Variants in APBB1IP observed in about 807,000 individuals in gnomAD.
The protein encoded by APBB1IP is amyloid beta precursor protein binding family B member 1 interacting protein, also known as amyloid beta A4 precursor protein-binding family B member 1-interacting protein.
A neutral mutation model predicts 64.9 loss-of-function variants in APBB1IP; 27 were observed. The observed-to-expected ratio is 0.42, with a 90% CI of 0.31 to 0.57. The LOEUF (loss-of-function observed/expected upper bound fraction) is 0.57. Among genes scored for constraint, APBB1IP ranks in the 20% least tolerant of loss-of-function variants. APBB1IP has a pLI of 0.20. For synonymous variants in APBB1IP, 392 were observed against 331.0 expected (o/e 1.18, Z -2.00); for missense variants, 812 against 845.5 (o/e 0.96, Z 0.49).
At position 26,501,122 on chromosome 10, in the gene APBB1IP, G is replaced by T; in HGVS notation, c.453+11G>T. On this transcript the variant is annotated intron_variant, in intron 5 of 14. Transcript: ENST00000376236. ...GAACCTCTCTCTCAGGTAAGTATGT[G>T]GGACCAGAGATGGCAGGACCATCAA... 1 of 1,614,102 alleles carries T rather than the reference G, an allele frequency of 6.2e-7. No homozygotes were observed. The highest frequency in any genetic ancestry group is 1.6e-4 in the Middle Eastern group (1 of 6,062).
intron 1 of APBB1IP, 29 bp downstream of exon 1, chr10:26,438,484 T>TTAAAATAAAATAAAATAAAATAAAA (rs145194192): frequency 6.8e-6 from 1 of 148,092 alleles, no homozygotes; most frequent in African/African-American, 2.5e-5. Flanking sequence ...TTTCCCAGAA[T>TTAAAATAAAATAAAATAAAATAAAA]TAAAATAAAA....
intron 2 of APBB1IP, among the ~76,000 whole-genome samples, chr10:26,456,924 G>C (rs966039703): frequency 6.6e-6 from 1 of 152,106 alleles, no homozygotes; most frequent in Non-Finnish European, 1.5e-5. Context: ...ACAAGTTCAA[G>C]GGCATTAGAA....
At chr10:26,440,548 A>G (rs1835328467) in intron 2 of APBB1IP, among the ~76,000 whole-genome samples, 1 of 152,242 alleles carries the variant, frequency 6.6e-6, no homozygotes, top group African/African-American at 2.4e-5. Context: ...AAACTGAGAT[A>G]AGAAACAGCC....
intron 2 of APBB1IP, among the ~76,000 whole-genome samples, chr10:26,491,591 C>A (rs1835955561): frequency 6.6e-6 from 1 of 152,160 alleles, no homozygotes; most frequent in Admixed American, 6.6e-5. Context: ...AAAAAGTTTT[C>A]TTTCTATCTC....
intron 11 of APBB1IP, among the ~76,000 whole-genome samples, chr10:26,553,734 C>T (rs2132478693): frequency 1.3e-5 from 2 of 152,320 alleles, no homozygotes; most frequent in South Asian, 4.1e-4. Context: ...ACAAAGGCCT[C>T]TGGCTTTGTG....
At chr10:26,514,833 T>C (rs1034789447) in intron 8 of APBB1IP, among the ~76,000 whole-genome samples, 4 of 152,076 alleles carry the variant, frequency 2.6e-5, no homozygotes, top group African/African-American at 9.7e-5. Context: ...ACAAAGTTTT[T>C]CGCCCCTAAC....
intron 2 of APBB1IP, among the ~76,000 whole-genome samples, chr10:26,459,504 A>T (rs1835565965): frequency 6.6e-6 from 1 of 152,176 alleles, no homozygotes. Context: ...ATCCCTGAGG[A>T]ATCACCACAC....
At chr10:26,516,136 T>G (rs1441345434) in intron 8 of APBB1IP, among the ~76,000 whole-genome samples, 1 of 152,064 alleles carries the variant, frequency 6.6e-6, no homozygotes, top group African/African-American at 2.4e-5. Flanking sequence ...CTCAATCAGC[T>G]TAGAAGTTTC....
intron 2 of APBB1IP, among the ~76,000 whole-genome samples, chr10:26,482,491 C>T (rs1432299903): frequency 6.6e-6 from 1 of 152,198 alleles, no homozygotes; most frequent in Non-Finnish European, 1.5e-5. Context: ...TTCAATCACA[C>T]TGTACACAGG....
chr10:26,459,480 A>T (rs1030763217), intron 2 of APBB1IP, among the ~76,000 whole-genome samples: 1 of 152,150 alleles, frequency 6.6e-6, no homozygotes, highest in Admixed American at 6.5e-5. Flanking sequence ...GTCAAATGGT[A>T]TTTCTAGTTC....
intron 11 of APBB1IP, among the ~76,000 whole-genome samples, chr10:26,544,380 G>A (rs1458391806): frequency 1.3e-5 from 2 of 152,214 alleles, no homozygotes; most frequent in Non-Finnish European, 2.9e-5. Flanking sequence ...CAGGTTCCCA[G>A]GCCCTAGGCC....
intron 8 of APBB1IP, among the ~76,000 whole-genome samples, chr10:26,530,390 G>T (rs1836535547): frequency 6.6e-6 from 1 of 151,828 alleles, no homozygotes; most frequent in Non-Finnish European, 1.5e-5. Context: ...TTAATGCTGA[G>T]AAAAATTATT....
chr10:26,521,853 C>T (rs574631308), intron 8 of APBB1IP, among the ~76,000 whole-genome samples: 11 of 152,250 alleles, frequency 7.2e-5, no homozygotes, highest in South Asian at 4.1e-4. Flanking sequence ...CAGGTTCAAG[C>T]GATTCTCCTG....
intron 2 of APBB1IP, among the ~76,000 whole-genome samples, chr10:26,457,512 A>C (rs1025216008): frequency 6.6e-6 from 1 of 152,116 alleles, no homozygotes; most frequent in Non-Finnish European, 1.5e-5. Context: ...TTCAACTCCT[A>C]ACTCAGTATC....
rs148492574 is a variant in APBB1IP at position 26,515,468 on chromosome 10, G to A, written c.813+1808G>A. 2.2e-4 allele frequency among the ~76,000 whole-genome samples: 34 copies of A among 152,268 alleles called. No homozygotes were observed. In the East Asian group the frequency reaches 6.4e-3, roughly 29 times the overall value. On this transcript the variant is annotated intron_variant, in intron 8 of 14. Coordinates refer to ENST00000376236, the MANE Select transcript of APBB1IP (RefSeq NM_019043.4). ...ATTTATGCTTCCATCCCATTGGCCA[G>A]AAATTAGTTACATAATGACACTGAG...
At chr10:26,494,642 T>A (rs1835997250) in intron 3 of APBB1IP, among the ~76,000 whole-genome samples, 1 of 152,062 alleles carries the variant, frequency 6.6e-6, no homozygotes, top group Non-Finnish European at 1.5e-5. Context: ...CTGGCCAATA[T>A]GGTGAAACCC....
intron 8 of APBB1IP, among the ~76,000 whole-genome samples, chr10:26,533,102 T>C (rs1440042868): frequency 6.6e-6 from 1 of 152,250 alleles, no homozygotes; most frequent in East Asian, 1.9e-4. Context: ...CTCCAGCTCT[T>C]GCCAGTGCCT....
intron 8 of APBB1IP, among the ~76,000 whole-genome samples, chr10:26,525,666 G>C (rs1026429191): frequency 6.6e-6 from 1 of 152,100 alleles, no homozygotes; most frequent in Non-Finnish European, 1.5e-5. Flanking sequence ...CCCATTGCTA[G>C]GTTTATGGCT....
At chr10:26,469,759 T>A (rs1332234938) in intron 2 of APBB1IP, among the ~76,000 whole-genome samples, 2 of 152,114 alleles carry the variant, frequency 1.3e-5, no homozygotes, top group Non-Finnish European at 2.9e-5. Context: ...AACTTGCCTC[T>A]CCTCCCTCCT....
Sources: gnomAD v4.1 joint callset for allele counts (sites outside exome capture counted in the v4.1 genomes callset) on GRCh38, gnomAD v4.1.1 for gene constraint, MANE v1.5 for transcripts, NCBI Gene and HGNC (gene_info 2026-07-23, HGNC 2026-07-21) for gene names.